Variants in RPA1 observed in about 807,000 individuals in gnomAD.
RPA1 encodes the protein replication protein A1.
Under a neutral mutation model 83.0 loss-of-function variants are expected in RPA1, and 49 were observed. The observed-to-expected ratio is 0.59, with a 90% CI of 0.47 to 0.75. The LOEUF is 0.75. Ranked by LOEUF, RPA1 falls within the 30% of genes least tolerant of loss-of-function variation. The pLI, the probability that RPA1 is intolerant of heterozygous loss-of-function variation, is 0.00. For synonymous variants in RPA1, 279 were observed against 281.8 expected, an observed-to-expected ratio of 0.99 and a Z score of 0.10; for missense variants, 693 against 776.1, an observed-to-expected ratio of 0.89 and a Z score of 1.27.
At chr17:1,861,302 A>C (rs1255861374) in intron 5 of RPA1, among the ~76,000 whole-genome samples, 1 of 152,070 alleles carries the variant, frequency 6.6e-6, no homozygotes, top group Non-Finnish European at 1.5e-5. Flanking sequence ...AGGCCCCCTA[A>C]GCCCTTGAGG....
chr17:1,840,026 C>G (rs577643317), intron 1 of RPA1, among the ~76,000 whole-genome samples: 1 of 151,994 alleles, frequency 6.6e-6, no homozygotes, highest in South Asian at 2.1e-4. Flanking sequence ...CTCCTGACCT[C>G]AAGCGATCCT....
intron 15 of RPA1, among the ~76,000 whole-genome samples, chr17:1,894,224 T>C (rs974354683): frequency 7.2e-5 from 11 of 151,830 alleles, no homozygotes; most frequent in Non-Finnish European, 1.6e-4. Context: ...TGGAGTGCAG[T>C]AGTGCAGTCT....
chr17:1,877,717 A>T (rs1242146115), intron 8 of RPA1, among the ~76,000 whole-genome samples: 9 of 152,196 alleles, frequency 5.9e-5, no homozygotes, highest in Non-Finnish European at 1.2e-4. Context: ...CTGGGAGGTG[A>T]TGCCTGCTTG....
At chr17:1,873,799 C>A (rs1479513975) in intron 6 of RPA1, among the ~76,000 whole-genome samples, 1 of 151,260 alleles carries the variant, frequency 6.6e-6, no homozygotes, top group Non-Finnish European at 1.5e-5. Context: ...GACTAGCTAG[C>A]CTGGCCAACA....
chr17:1,863,008 G>A (rs1478667969), intron 5 of RPA1, among the ~76,000 whole-genome samples: 1 of 151,082 alleles, frequency 6.6e-6, no homozygotes, highest in Non-Finnish European at 1.5e-5. Context: ...GTGAGCCACC[G>A]TGCCCGGCCA....
intron 5 of RPA1, among the ~76,000 whole-genome samples, chr17:1,871,752 G>A (rs1250291075): frequency 1.3e-5 from 2 of 152,008 alleles, no homozygotes; most frequent in African/African-American, 4.8e-5. Context: ...CTTGAGACAC[G>A]CTCATTTCCC....
chr17:1,848,391 C>T (rs1177728776), intron 4 of RPA1, among the ~76,000 whole-genome samples: 4 of 151,710 alleles, frequency 2.6e-5, no homozygotes, highest in African/African-American at 9.7e-5. Flanking sequence ...GCAGGCAGAT[C>T]ACCTGAGGTC....
intron 14 of RPA1, among the ~76,000 whole-genome samples, chr17:1,889,953 TC>T (rs1187117601): frequency 1.3e-5 from 2 of 150,498 alleles, no homozygotes; most frequent in Non-Finnish European, 3.0e-5. Flanking sequence ...TGAGCCGAGA[TC>T]ACACCACTGC....
intron 5 of RPA1, among the ~76,000 whole-genome samples, chr17:1,871,815 A>T (rs1913385693): frequency 6.6e-6 from 1 of 151,524 alleles, no homozygotes; most frequent in African/African-American, 2.4e-5. Flanking sequence ...TCCGAACCCC[A>T]TTGTCATCTC....
At chr17:1,845,719 C>T (rs1312437708) in intron 4 of RPA1, among the ~76,000 whole-genome samples, 2 of 152,034 alleles carry the variant, frequency 1.3e-5, no homozygotes, top group Non-Finnish European at 2.9e-5. Context: ...TCACTTGAGC[C>T]CAGGAGTTTG....
chr17:1,859,102 C>T (rs867776342), intron 5 of RPA1, among the ~76,000 whole-genome samples: 1 of 151,872 alleles, frequency 6.6e-6, no homozygotes, highest in African/African-American at 2.4e-5. Flanking sequence ...AGGGTTTTGC[C>T]GTGTTAGCCA....
intron 15 of RPA1, among the ~76,000 whole-genome samples, chr17:1,893,729 A>G (rs1914284688): frequency 6.6e-6 from 1 of 151,908 alleles, no homozygotes; most frequent in African/African-American, 2.4e-5. Flanking sequence ...GAGAGGGAAA[A>G]GGATTGTTTT....
intron 5 of RPA1, among the ~76,000 whole-genome samples, chr17:1,865,106 C>T (rs1280936311): frequency 2.6e-5 from 4 of 152,098 alleles, no homozygotes; most frequent in Non-Finnish European, 5.9e-5. Context: ...TCAGCACAAT[C>T]GCAGAATGTT....
chr17:1,845,964 G>A (rs1002258348), intron 4 of RPA1, among the ~76,000 whole-genome samples: 8 of 152,022 alleles, frequency 5.3e-5, no homozygotes, highest in South Asian at 2.1e-4. Flanking sequence ...AACAAAAACC[G>A]AGATAAAAAA....
chr17:1,890,846 G>T (rs753173878), intron 14 of RPA1, among the ~76,000 whole-genome samples: 41 of 152,046 alleles, frequency 2.7e-4, no homozygotes, highest in African/African-American at 8.9e-4. Context: ...GCAATCTCCC[G>T]CACACTTGTT....
intron 5 of RPA1, chr17:1,858,509 GCT>G: frequency 1.1e-6 from 1 of 909,598 alleles, no homozygotes. Context: ...TGTCACCCAG[GCT>G]AGAGTGCAGT....
intron 5 of RPA1, among the ~76,000 whole-genome samples, chr17:1,856,782 TCAGCCTCC>T (rs1912716139): frequency 6.6e-6 from 1 of 151,722 alleles, no homozygotes. Flanking sequence ...TCTGCCTGCC[TCAGCCTCC>T]CAAAGTGCTG....
chr17:1,852,900 A>C (rs1187258673), intron 4 of RPA1, among the ~76,000 whole-genome samples: 1 of 152,212 alleles, frequency 6.6e-6, no homozygotes, highest in East Asian at 1.9e-4. Flanking sequence ...ACTGCATTTT[A>C]ATTAAGGAAC....
intron 7 of RPA1, 46 bp downstream of exon 7, chr17:1,875,839 G>C: frequency 6.4e-7 from 1 of 1,570,938 alleles, no homozygotes; most frequent in Non-Finnish European, 8.6e-7. Context: ...TATGAAATCG[G>C]AGAAGCTATT....
Sources: allele counts gnomAD v4.1 joint callset (sites outside exome capture counted in the v4.1 genomes callset), GRCh38; gene constraint gnomAD v4.1.1; transcripts MANE v1.5; gene names NCBI Gene and HGNC (gene_info 2026-07-23, HGNC 2026-07-21).